The following ANKRD11 variants were observed in gnomAD, a reference collection of about 807,000 sequenced individuals.
ANKRD11 encodes ankyrin repeat domain-containing protein 11.
Under a neutral mutation model 195.7 loss-of-function variants are expected in ANKRD11, and 17 were observed. That is an observed-to-expected ratio of 0.09 (90% CI 0.06 to 0.13). The LOEUF (loss-of-function observed/expected upper bound fraction) is 0.13. ANKRD11 is among the 10% of genes least tolerant of loss of function. The probability of loss-of-function intolerance (pLI) is 1.00; values close to 1 mark genes in which losing one functional copy is unlikely to be tolerated. For missense variants in ANKRD11, 3,735 were observed against 3,566.1 expected (o/e 1.05, Z -1.21); for synonymous variants, 1,953 against 1,528.1 (o/e 1.28, Z -6.49).
chr16:89,346,048 G>T (rs533224336), intron 2 of ANKRD11, among the ~76,000 whole-genome samples: 1 of 151,726 alleles, frequency 6.6e-6, no homozygotes, highest in African/African-American at 2.4e-5. Flanking sequence ...TTGAGACCAG[G>T]CTGGCCAACA....
chr16:89,276,320 C>T (rs975771575), intron 9 of ANKRD11, among the ~76,000 whole-genome samples: 1 of 152,188 alleles, frequency 6.6e-6, no homozygotes, highest in African/African-American at 2.4e-5. Flanking sequence ...CTGCTGCAGA[C>T]GAGAGCCGTG....
intron 1 of ANKRD11, among the ~76,000 whole-genome samples, chr16:89,474,066 G>C (rs894899239): frequency 6.6e-6 from 1 of 152,194 alleles, no homozygotes; most frequent in African/African-American, 2.4e-5. Context: ...GAGACCTCAA[G>C]GGACAGTCAA....
intron 1 of ANKRD11, among the ~76,000 whole-genome samples, chr16:89,456,601 C>T (rs2056447877): frequency 6.6e-6 from 1 of 150,762 alleles, no homozygotes; most frequent in African/African-American, 2.4e-5. Flanking sequence ...GATGGGTAAA[C>T]ACCCTGCCTA....
chr16:89,410,473 C>T (rs2042070898), intron 2 of ANKRD11, among the ~76,000 whole-genome samples: 1 of 152,106 alleles, frequency 6.6e-6, no homozygotes, highest in Non-Finnish European at 1.5e-5. Flanking sequence ...CTAAGACACC[C>T]TGCAGAGCTG....
Position 89,280,885 on chromosome 16 carries a change from A to G in ANKRD11, c.5657T>C (p.Leu1886Ser). 2 of 1,604,086 alleles carry G rather than the reference A, an allele frequency of 1.2e-6. No homozygotes were observed. The highest frequency in any genetic ancestry group is 1.7e-6 in the Non-Finnish European group (2 of 1,172,834). Reference sequence around the variant, plus strand: ...GGGGGAAGGGGAAGGTTTTGCTTGTAAACTTGAGAAGACGCCCTCTGGAGA... The same window carrying G: ...GGGGGAAGGGGAAGGTTTTGCTTGTGAACTTGAGAAGACGCCCTCTGGAGA... Reference protein sequence around the residue: ...TPSPEGVFSSLQAKPSPSPRA... With the variant: ...TPSPEGVFSSSQAKPSPSPRA... The change falls in exon 9 of 13, where the codon TTA becomes TCA. Residue 1886 changes from leucine (L) to serine (S), a missense_variant. Transcript: ENST00000301030.
chr16:89,337,350 T>C (rs970111460), intron 2 of ANKRD11, among the ~76,000 whole-genome samples: 12 of 151,138 alleles, frequency 7.9e-5, no homozygotes, highest in South Asian at 2.1e-4. Context: ...CTGGGTCTCA[T>C]TGGATTTGCC....
chr16:89,403,266 A>G (rs1357702556), intron 2 of ANKRD11, among the ~76,000 whole-genome samples: 1 of 152,014 alleles, frequency 6.6e-6, no homozygotes, highest in Non-Finnish European at 1.5e-5. Context: ...ACTCACTCAC[A>G]CCAGCCACGC....
At chr16:89,345,552 T>TAA (rs2038901301) in intron 2 of ANKRD11, among the ~76,000 whole-genome samples, 1 of 152,186 alleles carries the variant, frequency 6.6e-6, no homozygotes, top group Non-Finnish European at 1.5e-5. Flanking sequence ...CTGTGAGAAA[T>TAA]AAATTTCTGT....
rs1263841704 is a variant in ANKRD11 at position 89,279,285 on chromosome 16, C to T, written c.7257G>A (p.Val2419=). The T allele has an allele frequency of 1.2e-6, 2 of 1,611,672 alleles. No individual in the cohort carries two copies. Among genetic ancestry groups the T allele is most frequent in the Admixed American group, 3.3e-5 (2 of 59,982 alleles). ...EVIQQTLAAI[V]DAIKLDAIEP... is the part of the protein sequence containing the mutation. ...CGATGGCATCCAGCTTGATGGCGTC[C>T]ACGATGGCGGCCAGCGTCTGCTGGA... The change falls in exon 9 of 13, where the codon GTG becomes GTA. Residue 2419 remains valine, a synonymous_variant. Transcript: ENST00000301030. This position sits in a 1 kb window ranked among gnomAD's most constrained non-coding sequence, Gnocchi z 5.6.
rs764701804 is a variant in ANKRD11 at position 89,280,673 on chromosome 16, C to T, written c.5869G>A (p.Ala1957Thr). 2.5e-6 allele frequency: 4 copies of T among 1,613,440 alleles called. No homozygotes were observed. In the South Asian group the frequency reaches 4.4e-5, roughly 18 times the overall value. The change falls in exon 9 of 13, where the codon GCG becomes ACG. Residue 1957 changes from alanine to threonine, a missense_variant. Ala to Thr is a moderately conservative substitution (Grantham distance 58, BLOSUM62 0). Transcript: ENST00000301030. ...PVEWAHPSEQ[A>T]LASSLIGGTS... The stretch of plus-strand genomic sequence containing the variant: ...CCCCCGATCAGGCTAGAGGCAAGCG[C>T]CTGCTCGGAGGGGTGGGCCCACTCA...
chr16:89,404,076 C>T (rs970862267), intron 2 of ANKRD11, among the ~76,000 whole-genome samples: 2 of 152,184 alleles, frequency 1.3e-5, no homozygotes, highest in South Asian at 2.1e-4. Context: ...TCAGAGCAAA[C>T]GCTGCATCAC....
At chr16:89,465,473 G>C (rs1438769069) in intron 1 of ANKRD11, among the ~76,000 whole-genome samples, 1 of 152,210 alleles carries the variant, frequency 6.6e-6, no homozygotes, top group Non-Finnish European at 1.5e-5. Flanking sequence ...GTGAAGAGCA[G>C]ACAGTCCATC....
chr16:89,475,751 C>A (rs1450337115), intron 1 of ANKRD11, among the ~76,000 whole-genome samples: 1 of 152,060 alleles, frequency 6.6e-6, no homozygotes, highest in Non-Finnish European at 1.5e-5. Context: ...ATAAGGAACA[C>A]GAAAACAACT....
chr16:89,346,520 C>A (rs1181305489), intron 2 of ANKRD11, among the ~76,000 whole-genome samples: 2 of 152,220 alleles, frequency 1.3e-5, no homozygotes, highest in African/African-American at 4.8e-5. Context: ...CAGACAACTA[C>A]ACCACACGCC....
chr16:89,282,587 C>T lies in ANKRD11; in HGVS notation c.3955G>A (p.Ala1319Thr), dbSNP rs567938525. Residue 1319 changes from alanine (A) to threonine (T), a missense_variant, in exon 9 of 13, where the codon GCC becomes ACC. Ala to Thr is a moderately conservative substitution (Grantham distance 58). Coordinates refer to ENST00000301030, the MANE Select transcript of ANKRD11 (RefSeq NM_013275.6). ...TDRGQEPGLT[A>T]FLEVSFTEPP... ...TCCGTGAAAGAGACCTCCAGGAAGGCAGTCAGCCCCGGCTCCTGCCCTCGG... is the reference window on the plus strand; with the variant it reads ...TCCGTGAAAGAGACCTCCAGGAAGGTAGTCAGCCCCGGCTCCTGCCCTCGG... The T allele has an allele frequency of 1.9e-6, 3 of 1,614,148 alleles. 1 individual carries two copies. The highest frequency in any genetic ancestry group is 2.7e-5 in the African/African-American group (2 of 75,042).
Position 89,401,532 on chromosome 16 carries a change from G to A in ANKRD11, c.-60+16752C>T, listed in dbSNP as rs551082462. ...TATATTCAACATTTTAGATTTACAT[G>A]TTTTATCTTGGGTGGAAGGATTACA... On this transcript the variant is annotated intron_variant, in intron 2 of 12. Transcript: ENST00000301030. Among the ~76,000 whole-genome samples, 13 of 152,242 alleles carry A rather than the reference G, an allele frequency of 8.5e-5. 1 individual carries two copies. The South Asian group carries it at 2.5e-3, about 29-fold the overall frequency.
At chr16:89,432,967 T>C (rs2043052922) in intron 1 of ANKRD11, among the ~76,000 whole-genome samples, 1 of 148,520 alleles carries the variant, frequency 6.7e-6, no homozygotes, top group Non-Finnish European at 1.5e-5. Flanking sequence ...TCTCTCTCTC[T>C]CTCTCTCTCT....
chr16:89,288,552 G>A lies in ANKRD11; in HGVS notation c.720C>T (p.Asp240=), dbSNP rs768119588. The A allele has an allele frequency of 8.7e-6, 14 of 1,614,184 alleles. No homozygotes were observed. In the Admixed American group the frequency reaches 1.2e-4, roughly 13 times the overall value. ...KGLDDDTPLH[D]AANNGHYKVV... ...CCTTGTAGTGCCCGTTGTTGGCAGC[G>A]TCGTGCAAAGGCGTGTCGTCATCTA... The change falls in exon 7 of 13, where the codon GAC becomes GAT. Residue 240 remains aspartate (D), a synonymous_variant. Coordinates refer to ENST00000301030, the MANE Select transcript of ANKRD11 (RefSeq NM_013275.6).
At chr16:89,322,478 C>G (rs1567643338) in intron 2 of ANKRD11, among the ~76,000 whole-genome samples, 1 of 152,238 alleles carries the variant, frequency 6.6e-6, no homozygotes, top group African/African-American at 2.4e-5. Flanking sequence ...CAGCCCCTCC[C>G]CTCACGCAGG....
Sources: allele counts gnomAD v4.1 joint callset (sites outside exome capture counted in the v4.1 genomes callset), GRCh38; gene constraint gnomAD v4.1.1; non-coding constraint Gnocchi (gnomAD v3.1); transcripts MANE v1.5; gene names NCBI Gene and HGNC (gene_info 2026-07-23, HGNC 2026-07-21).